Variants in GLI2 observed in about 807,000 individuals in gnomAD.
GLI2 encodes the protein GLI family zinc finger 2.
A neutral mutation model predicts 78.9 loss-of-function variants in GLI2; 22 were observed. The ratio of observed to expected loss-of-function variants is 0.28; its 90% CI spans 0.20 to 0.40. The LOEUF (loss-of-function observed/expected upper bound fraction) is 0.40, where lower values mean the gene tolerates loss of function less well. Among genes scored for constraint, GLI2 ranks in the 10% least tolerant of loss-of-function variants. GLI2 has a pLI of 1.00. For synonymous variants in GLI2, 974 were observed against 963.7 expected (o/e 1.01, Z -0.20); for missense variants, 2,097 against 2,213.2 (o/e 0.95, Z 1.05).
At chr2:120,888,609 G>T (rs1215871863) in intron 2 of GLI2, among the ~76,000 whole-genome samples, 1 of 151,872 alleles carries the variant, frequency 6.6e-6, no homozygotes, top group African/African-American at 2.4e-5. Flanking sequence ...GCCTACTAGG[G>T]TGTGGTGGGT....
At chr2:120,810,053 C>T (rs932622516) in intron 2 of GLI2, among the ~76,000 whole-genome samples, 2 of 152,144 alleles carry the variant, frequency 1.3e-5, no homozygotes, top group Admixed American at 6.5e-5. Flanking sequence ...GCCCCAGGGG[C>T]GGGGGCCCTG....
intron 1 of GLI2, among the ~76,000 whole-genome samples, chr2:120,765,522 T>C (rs992336426): frequency 1.3e-5 from 2 of 152,216 alleles, no homozygotes; most frequent in Non-Finnish European, 2.9e-5. Flanking sequence ...CAGCTGGCTT[T>C]GTGCCCAGCT....
At chr2:120,848,259 T>G (rs1240805831) in intron 2 of GLI2, among the ~76,000 whole-genome samples, 1 of 152,186 alleles carries the variant, frequency 6.6e-6, no homozygotes, top group Non-Finnish European at 1.5e-5. Context: ...AGCAGAAGCC[T>G]CCTGCCCTGG....
chr2:120,953,967 G>A (rs1239866783), intron 4 of GLI2, among the ~76,000 whole-genome samples: 2 of 152,136 alleles, frequency 1.3e-5, no homozygotes, highest in Non-Finnish European at 2.9e-5. Context: ...CACTGAGGTA[G>A]CTCCTGGAAC....
chr2:120,768,457 C>T (rs908940878), intron 1 of GLI2, among the ~76,000 whole-genome samples: 4 of 152,310 alleles, frequency 2.6e-5, no homozygotes, highest in Admixed American at 6.5e-5. Context: ...AGGCTGAGAG[C>T]AGGTGGAGAC....
At chr2:120,830,681 G>A (rs1363544678) in intron 2 of GLI2, among the ~76,000 whole-genome samples, 2 of 152,194 alleles carry the variant, frequency 1.3e-5, no homozygotes, top group Non-Finnish European at 2.9e-5. Context: ...TCTGGAGAAT[G>A]TGCAGGTGGC....
At chr2:120,928,577 CACCTA>C (rs1679803702) in intron 3 of GLI2, among the ~76,000 whole-genome samples, 1 of 152,188 alleles carries the variant, frequency 6.6e-6, no homozygotes, top group Non-Finnish European at 1.5e-5. Context: ...CGCCTGCCGC[CACCTA>C]TGAAGGCACA....
intron 2 of GLI2, among the ~76,000 whole-genome samples, chr2:120,804,584 C>CCGG: frequency 1.1e-5 from 1 of 91,144 alleles, no homozygotes. Flanking sequence ...TGCCTTGGAC[C>CCGG]TGATGCACCC....
At chr2:120,788,762 A>G (rs1299910072) in intron 1 of GLI2, among the ~76,000 whole-genome samples, 1 of 152,136 alleles carries the variant, frequency 6.6e-6, no homozygotes. Flanking sequence ...ACCTGCTAGG[A>G]TGGGGATTTT....
At position 120,988,659 on chromosome 2, in the gene GLI2, C is replaced by G. The variant is rs1042132032; in HGVS notation, c.2694C>G (p.Thr898=). 2.0e-4 allele frequency: 278 copies of G among 1,392,726 alleles called. No homozygotes were observed. The highest frequency in any genetic ancestry group is 2.5e-4 in the Non-Finnish European group (268 of 1,075,356). The allele number at this position is 1,392,726 out of a possible 1,614,324, so 86.3% of individuals were successfully genotyped here. A position where few individuals can be genotyped will look rare whatever the true frequency, so the allele number is the denominator to read the frequency against. Residue 898 remains threonine, a synonymous_variant, in exon 14 of 14, where the codon ACC becomes ACG. Coordinates refer to ENST00000361492, the MANE Select transcript of GLI2 (RefSeq NM_001374353.1). The part of the protein sequence containing the change: ...LPGLERMSLR[T]RLALLDAPER... ...GCCTGGAGCGCATGAGCCTGCGGAC[C>G]AGGCTGGCGCTGCTGGACGCGCCCG...
chr2:120,897,616 G>A (rs539182476), intron 2 of GLI2, among the ~76,000 whole-genome samples: 25 of 152,136 alleles, frequency 1.6e-4, no homozygotes, highest in Non-Finnish European at 3.4e-4. Flanking sequence ...CCTTACCTGT[G>A]TCATAACAAA....
intron 4 of GLI2, among the ~76,000 whole-genome samples, chr2:120,954,531 G>T (rs891322249): frequency 6.6e-5 from 10 of 152,182 alleles, no homozygotes; most frequent in African/African-American, 2.4e-4. Flanking sequence ...GTGCACAGTG[G>T]CTAGGAGCTT....
chr2:120,795,934 A>T (rs1684370532), intron 1 of GLI2, among the ~76,000 whole-genome samples: 1 of 152,174 alleles, frequency 6.6e-6, no homozygotes, highest in South Asian at 2.1e-4. Context: ...CTGTAATCCC[A>T]GCTACTCAGG....
intron 2 of GLI2, among the ~76,000 whole-genome samples, chr2:120,843,992 C>T (rs898359175): frequency 6.6e-6 from 1 of 152,152 alleles, no homozygotes; most frequent in Admixed American, 6.5e-5. Flanking sequence ...CTGGAGCCTG[C>T]AGTGTGGTCC....
intron 1 of GLI2, among the ~76,000 whole-genome samples, chr2:120,742,178 A>G (rs1286672190): frequency 6.6e-6 from 1 of 152,204 alleles, no homozygotes; most frequent in Non-Finnish European, 1.5e-5. Context: ...AGTAATCACT[A>G]AGGCCGCCTT....
intron 2 of GLI2, among the ~76,000 whole-genome samples, chr2:120,857,773 C>A (rs1187682676): frequency 6.7e-6 from 1 of 148,756 alleles, no homozygotes; most frequent in Non-Finnish European, 1.5e-5. Context: ...AACCCCCCCA[C>A]CCCCACCCCC....
chr2:120,943,767 C>A (rs1280507329), intron 3 of GLI2, among the ~76,000 whole-genome samples: 1 of 152,238 alleles, frequency 6.6e-6, no homozygotes, highest in East Asian at 1.9e-4. Context: ...TGACTCCAAC[C>A]CCCGAGTGGG....
At chr2:120,855,604 G>A (rs1395713174) in intron 2 of GLI2, among the ~76,000 whole-genome samples, 2 of 152,220 alleles carry the variant, frequency 1.3e-5, no homozygotes, top group African/African-American at 2.4e-5. Flanking sequence ...CAGAGAAACC[G>A]TGGAGCCCCC....
rs143622119 is a variant in GLI2 at position 120,888,850 on chromosome 2, A to G, written c.149-38511A>G. On this transcript the variant is annotated intron_variant, in intron 2 of 13. Transcript: ENST00000361492. ...AGTAGCAAGTCTTTTTTCCAGGAGAACCCAACACTTCAAAGGCTTATCAGT... is the reference window on the plus strand; with the variant it reads ...AGTAGCAAGTCTTTTTTCCAGGAGAGCCCAACACTTCAAAGGCTTATCAGT... Among the ~76,000 whole-genome samples, 674 of 152,198 alleles carry G rather than the reference A, an allele frequency of 4.4e-3. 31 individuals carry two copies. In the South Asian group the frequency reaches 0.075, roughly 17 times the overall value.
Sources: allele counts gnomAD v4.1 joint callset (sites outside exome capture counted in the v4.1 genomes callset), GRCh38; gene constraint gnomAD v4.1.1; transcripts MANE v1.5; gene names NCBI Gene and HGNC (gene_info 2026-07-23, HGNC 2026-07-21).